APBB1IP: variants seen among roughly 807,000 people sequenced by gnomAD.
APBB1IP encodes amyloid beta A4 precursor protein-binding family B member 1-interacting protein.
APBB1IP carries 27 observed loss-of-function variants against 64.9 expected under a neutral mutation model. The ratio of observed to expected loss-of-function variants is 0.42; its 90% CI spans 0.31 to 0.57. The LOEUF (loss-of-function observed/expected upper bound fraction) is 0.57, where lower values mean the gene tolerates loss of function less well. APBB1IP is among the 20% of genes least tolerant of loss of function. The pLI is 0.20. For synonymous variants in APBB1IP, 392 were observed against 331.0 expected (o/e 1.18, Z -2.00); for missense variants, 812 against 845.5 (o/e 0.96, Z 0.49).
intron 2 of APBB1IP, among the ~76,000 whole-genome samples, chr10:26,466,567 G>A (rs1462205997): frequency 6.6e-6 from 1 of 152,166 alleles, no homozygotes; most frequent in Non-Finnish European, 1.5e-5. Flanking sequence ...TTGGGTGGCC[G>A]AGGTGGGAAG....
chr10:26,479,028 T>TA (rs141678847), intron 2 of APBB1IP, among the ~76,000 whole-genome samples: 636 of 37,378 alleles, frequency 0.017, 210 homozygotes, highest in African/African-American at 0.041. Flanking sequence ...TTGACATATA[T>TA]TCACGCCTGT....
rs773291131 is a variant in APBB1IP at position 26,536,038 on chromosome 10, C to T, written c.901-36C>T. 3.3e-6 allele frequency: 5 copies of T among 1,537,246 alleles called. No individual in the cohort carries two copies. The Admixed American group carries it at 6.9e-5, about 21-fold the overall frequency. ...GAATAAAAATGCGTGCTTTATCTTT[C>T]GTGTGTGTCTTATGTCGTCGGAATC... On this transcript the variant is annotated intron_variant, in intron 9 of 14. Coordinates refer to ENST00000376236, the MANE Select transcript of APBB1IP (RefSeq NM_019043.4).
At position 26,513,658 on chromosome 10, in the gene APBB1IP, C is replaced by A; in HGVS notation, c.811C>A (p.Gln271Lys). The change falls in exon 8 of 15, where the codon CAG becomes AAG. Residue 271 changes from glutamine (Q) to lysine (K), a missense_variant and splice_region_variant. By Grantham distance (53) the Gln-to-Lys change is moderately conservative. This residue lies in a region of APBB1IP where 394 missense variants were observed against 413.1 expected (regional missense o/e 0.95). Coordinates refer to ENST00000376236, the MANE Select transcript of APBB1IP (RefSeq NM_019043.4). Reference protein sequence around the residue: ...EEKYAVFKNPQNFYLDNRGKK... With the variant: ...EEKYAVFKNPKNFYLDNRGKK... Reference sequence around the variant, plus strand: ...GAAATATGCTGTATTTAAAAACCCCCAGGTAAGATGATCTGCATATTGTTA... The same window carrying A: ...GAAATATGCTGTATTTAAAAACCCCAAGGTAAGATGATCTGCATATTGTTA... The A allele has an allele frequency of 6.2e-7, 1 of 1,608,134 alleles. No homozygotes were observed. The highest frequency in any genetic ancestry group is 8.5e-7 in the Non-Finnish European group (1 of 1,178,732).
chr10:26,486,057 C>T (rs1056546029), intron 2 of APBB1IP, among the ~76,000 whole-genome samples: 2 of 151,976 alleles, frequency 1.3e-5, no homozygotes, highest in Non-Finnish European at 2.9e-5. Context: ...TAGCAAGACC[C>T]TGTCTCTGCT....
At chr10:26,565,811 G>A (rs896554830) in intron 14 of APBB1IP, among the ~76,000 whole-genome samples, 2 of 152,202 alleles carry the variant, frequency 1.3e-5, no homozygotes, top group African/African-American at 4.8e-5. Context: ...GAAGAGGAGA[G>A]AGTTGGGGAG....
In APBB1IP at chr10:26,567,009, GC is replaced by G; in HGVS notation, c.1526del (p.Pro509ArgfsTer147). On this transcript the variant is annotated frameshift_variant, in exon 15 of 15. Transcript: ENST00000376236. LOFTEE classifies it low-confidence loss of function (END_TRUNC). Reference sequence around the variant, plus strand: ...CCACCACGACCCGGCAGTGCCCCGGGCCCCGCACGCCCCCAAGTCCAGCCTG... The same window carrying G: ...CCACCACGACCCGGCAGTGCCCCGGGCCCGCACGCCCCCAAGTCCAGCCTG... ...GNHHDPAVPRAPHAPKSSLPP... is the reference protein window; with the variant it reads ...GNHHDPAVPRXPHAPKSSLPP... The G allele has an allele frequency of 1.3e-6, 2 of 1,572,804 alleles. No individual in the cohort carries two copies. The highest frequency in any genetic ancestry group is 1.8e-5 in the Admixed American group (1 of 56,908).
intron 2 of APBB1IP, among the ~76,000 whole-genome samples, chr10:26,454,246 G>A (rs574486722): frequency 6.6e-6 from 1 of 152,254 alleles, no homozygotes; most frequent in East Asian, 1.9e-4. Context: ...TTCAAGACCA[G>A]CCTGGCCAAC....
At chr10:26,507,320 C>T (rs1283328165) in intron 6 of APBB1IP, among the ~76,000 whole-genome samples, 3 of 152,100 alleles carry the variant, frequency 2.0e-5, no homozygotes, top group Non-Finnish European at 4.4e-5. Flanking sequence ...AGCAAGACCC[C>T]ATCTCCACAA....
chr10:26,503,527 C>T (rs963415621), intron 6 of APBB1IP, among the ~76,000 whole-genome samples: 4 of 151,954 alleles, frequency 2.6e-5, no homozygotes, highest in East Asian at 1.9e-4. Context: ...CCCAGCTACT[C>T]GGGAGGCTGA....
Position 26,560,732 on chromosome 10 carries a change from T to C in APBB1IP, c.1257T>C (p.Tyr419=), listed in dbSNP as rs1836956826. The C allele has an allele frequency of 6.3e-7, 1 of 1,585,950 alleles. No homozygotes were observed. Among genetic ancestry groups the C allele is most frequent in the South Asian group, 1.1e-5 (1 of 88,674 alleles). Residue 419 remains tyrosine, a splice_region_variant and synonymous_variant, in exon 13 of 15, where the codon TAT becomes TAC. Transcript: ENST00000376236. ...QWVMGIRIAK[Y]GKTLYDNYQR... is the part of the protein sequence containing the mutation. ...CTTCCTTTGTGTTCTCTCCCCAGTATGGGAAGACTCTCTATGATAACTACC... is the reference window on the plus strand; with the variant it reads ...CTTCCTTTGTGTTCTCTCCCCAGTACGGGAAGACTCTCTATGATAACTACC...
chr10:26,509,628 C>T (rs925837227), intron 6 of APBB1IP: 6 of 152,178 alleles, frequency 3.9e-5, no homozygotes, highest in African/African-American at 7.2e-5. Context: ...CTATCTCATC[C>T]GATCTCAGAA....
intron 2 of APBB1IP, among the ~76,000 whole-genome samples, chr10:26,476,259 A>G (rs1171522022): frequency 6.6e-6 from 1 of 151,614 alleles, no homozygotes; most frequent in Non-Finnish European, 1.5e-5. Flanking sequence ...GCATTTCACC[A>G]TGTTGGCCAG....
At chr10:26,513,777 G>A in intron 8 of APBB1IP, 117 bp downstream of exon 8, 1 of 1,286,736 alleles carries the variant, frequency 7.8e-7, no homozygotes, top group Non-Finnish European at 1.1e-6. Context: ...GAGTCTCGAA[G>A]GCTGGAGTGC....
At chr10:26,543,711 A>G (rs1355768528) in intron 11 of APBB1IP, among the ~76,000 whole-genome samples, 1 of 152,158 alleles carries the variant, frequency 6.6e-6, no homozygotes, top group East Asian at 1.9e-4. Context: ...ACAAGGAGCA[A>G]TATGAGGTAG....
chr10:26,488,513 G>A (rs111569396), intron 2 of APBB1IP, among the ~76,000 whole-genome samples: 3,028 of 152,212 alleles, frequency 0.02, 43 homozygotes, highest in Non-Finnish European at 0.03. Context: ...GATAACAGGC[G>A]TGAGTCACCA....
At chr10:26,505,007 C>T (rs2132440605) in intron 6 of APBB1IP, among the ~76,000 whole-genome samples, 1 of 152,294 alleles carries the variant, frequency 6.6e-6, no homozygotes, top group East Asian at 1.9e-4. Context: ...CCACCCATCT[C>T]AGCCTCACAA....
intron 2 of APBB1IP, among the ~76,000 whole-genome samples, chr10:26,489,339 G>T (rs991644455): frequency 6.6e-6 from 1 of 152,126 alleles, no homozygotes; most frequent in Non-Finnish European, 1.5e-5. Flanking sequence ...TGGCGAGGGT[G>T]ATAAGGTTAT....
At chr10:26,495,111 G>T (rs1182100025) in intron 3 of APBB1IP, among the ~76,000 whole-genome samples, 1 of 150,996 alleles carries the variant, frequency 6.6e-6, no homozygotes, top group Non-Finnish European at 1.5e-5. Flanking sequence ...AGGTTCAAGC[G>T]ATTCTCCTGC....
chr10:26,537,585 G>A (rs1357557632), intron 10 of APBB1IP, among the ~76,000 whole-genome samples: 2 of 152,076 alleles, frequency 1.3e-5, no homozygotes, highest in African/African-American at 2.4e-5. Flanking sequence ...GAATATAAAC[G>A]GTGCATATAA....
Sources: gnomAD v4.1 joint callset for allele counts (sites outside exome capture counted in the v4.1 genomes callset) on GRCh38, gnomAD v4.1.1 for gene constraint, gnomAD v4.1.1 regional missense constraint, MANE v1.5 for transcripts, NCBI Gene and HGNC (gene_info 2026-07-23, HGNC 2026-07-21) for gene names.